CCDC192: variants seen among roughly 807,000 people sequenced by gnomAD.
The protein encoded by CCDC192 is coiled-coil domain containing 192, also known as coiled-coil domain-containing protein 192.
At chr5:127,703,653 C>T in intron 1 of CCDC192, 146 bp downstream of exon 1, 1 of 382,016 alleles carries the variant, frequency 2.6e-6, no homozygotes, top group Admixed American at 4.5e-5. Flanking sequence ...GGAGAGTGAC[C>T]CCTTTCTTTG....
At chr5:127,863,868 GA>G (rs974714125) in intron 5 of CCDC192, among the ~76,000 whole-genome samples, 16 of 152,258 alleles carry the variant, frequency 1.1e-4, no homozygotes, top group African/African-American at 3.9e-4. Flanking sequence ...CATAAAAACT[GA>G]GCAAAATTAA....
intron 5 of CCDC192, among the ~76,000 whole-genome samples, chr5:127,839,147 C>A (rs985907113): frequency 6.6e-6 from 1 of 152,144 alleles, no homozygotes; most frequent in African/African-American, 2.4e-5. Context: ...ATAAACAGTT[C>A]TTGGAATGCT....
chr5:127,757,065 ACCTAC>A (rs1186647464), intron 3 of CCDC192, among the ~76,000 whole-genome samples: 1 of 152,232 alleles, frequency 6.6e-6, no homozygotes, highest in African/African-American at 2.4e-5. Context: ...ACTTTTTTGT[ACCTAC>A]CATAAGTAAG....
chr5:127,883,852 A>G (rs1752448441), intron 6 of CCDC192, among the ~76,000 whole-genome samples: 1 of 152,180 alleles, frequency 6.6e-6, no homozygotes, highest in African/African-American at 2.4e-5. Flanking sequence ...AACCAAAATG[A>G]AACTAGTTGA....
In CCDC192 at chr5:127,852,870, A is replaced by C. The variant is rs538425227; in HGVS notation, c.412-22668A>C. Among the ~76,000 whole-genome samples, 5 of 152,254 alleles carry C rather than the reference A, an allele frequency of 3.3e-5. No homozygotes were observed. In the East Asian group the frequency reaches 9.7e-4, roughly 29 times the overall value. ...AGCACTCTGGGAGGCCGAGGCGGGC[A>C]GATGGTCAGGAGATAGAGACCATCC... On this transcript the variant is annotated intron_variant, in intron 5 of 6. Coordinates refer to ENST00000514853, the MANE Select transcript of CCDC192 (RefSeq NM_001317938.2).
At position 127,798,090 on chromosome 5, in the gene CCDC192, CT is replaced by C; in HGVS notation, c.355-12del. Reference sequence around the variant, plus strand: ...AAGAGTTACATACTTAGTTTCTAAACTTTTCTCCTTTTCAGTGCATCCAGAA... The same window carrying C: ...AAGAGTTACATACTTAGTTTCTAAACTTTCTCCTTTTCAGTGCATCCAGAA... On this transcript the variant is annotated splice_polypyrimidine_tract_variant and intron_variant, in intron 4 of 6. Coordinates refer to ENST00000514853, the MANE Select transcript of CCDC192 (RefSeq NM_001317938.2). 2 of 398,082 alleles carry C rather than the reference CT, an allele frequency of 5.0e-6. No homozygotes were observed. The highest frequency in any genetic ancestry group is 8.9e-6 in the Non-Finnish European group (2 of 225,474). The allele number at this position is 398,082 out of a possible 1,614,324, so 24.7% of individuals were successfully genotyped here. A position where few individuals can be genotyped will look rare whatever the true frequency, so the allele number is the denominator to read the frequency against.
At chr5:127,884,342 CAAAAAAAAAA>C (rs778430655) in intron 6 of CCDC192, among the ~76,000 whole-genome samples, 403 of 11,828 alleles carry the variant, frequency 0.034, 1 homozygote, top group African/African-American at 0.045. Flanking sequence ...GACTCCGTCT[CAAAAAAAAAA>C]AAAAAAAAAA....
intron 6 of CCDC192, among the ~76,000 whole-genome samples, chr5:127,919,699 T>A (rs1753652480): frequency 6.6e-6 from 1 of 152,086 alleles, no homozygotes; most frequent in Non-Finnish European, 1.5e-5. Flanking sequence ...GACATCAGAG[T>A]GTCACTCTTT....
At chr5:127,883,980 A>T (rs935277832) in intron 6 of CCDC192, among the ~76,000 whole-genome samples, 7 of 152,156 alleles carry the variant, frequency 4.6e-5, no homozygotes, top group Non-Finnish European at 8.8e-5. Flanking sequence ...CTGCAGGCAC[A>T]GAAAGGGAAA....
intron 3 of CCDC192, among the ~76,000 whole-genome samples, chr5:127,760,701 CAAAAAAA>C (rs56177728): frequency 0.018 from 987 of 54,910 alleles, 9 homozygotes; most frequent in Non-Finnish European, 0.023. Context: ...GATTCTGTCT[CAAAAAAA>C]AAAAAAAAAA....
intron 2 of CCDC192, among the ~76,000 whole-genome samples, chr5:127,753,703 A>T (rs1024381493): frequency 2.0e-5 from 3 of 152,006 alleles, no homozygotes; most frequent in Non-Finnish European, 2.9e-5. Flanking sequence ...AAAAAAAAAA[A>T]AAAGAGAAAA....
chr5:127,768,696 AG>A (rs1174624736), intron 3 of CCDC192, among the ~76,000 whole-genome samples: 1 of 152,244 alleles, frequency 6.6e-6, no homozygotes, highest in Non-Finnish European at 1.5e-5. Context: ...TGACTACAAA[AG>A]CTATTAAAGC....
At chr5:127,885,181 A>G (rs1429800588) in intron 6 of CCDC192, among the ~76,000 whole-genome samples, 2 of 152,048 alleles carry the variant, frequency 1.3e-5, no homozygotes, top group East Asian at 3.9e-4. Context: ...AGCACCAGCT[A>G]AATGTCAGAC....
At chr5:127,779,054 T>C (rs889476445) in intron 3 of CCDC192, among the ~76,000 whole-genome samples, 2 of 152,168 alleles carry the variant, frequency 1.3e-5, no homozygotes, top group Non-Finnish European at 2.9e-5. Flanking sequence ...GTTGATTATT[T>C]CAAGGAACCA....
intron 6 of CCDC192, among the ~76,000 whole-genome samples, chr5:127,893,212 T>C (rs1396103071): frequency 2.6e-5 from 4 of 152,102 alleles, no homozygotes; most frequent in African/African-American, 9.7e-5. Context: ...CAGGAAGTAA[T>C]GAACAGAATA....
chr5:127,901,683 G>C (rs565930990), intron 6 of CCDC192, among the ~76,000 whole-genome samples: 2 of 152,168 alleles, frequency 1.3e-5, no homozygotes, highest in Admixed American at 6.5e-5. Flanking sequence ...AGTCAGTCAG[G>C]GCTTCTTTAC....
chr5:127,814,190 G>A (rs191131030), intron 5 of CCDC192, among the ~76,000 whole-genome samples: 3 of 152,336 alleles, frequency 2.0e-5, no homozygotes, highest in Admixed American at 2.0e-4. Context: ...GCAGGAGTGG[G>A]AGCAGGAACA....
chr5:127,750,319 G>A (rs1440539887), intron 2 of CCDC192, among the ~76,000 whole-genome samples: 2 of 152,108 alleles, frequency 1.3e-5, no homozygotes, highest in Non-Finnish European at 2.9e-5. Flanking sequence ...TTGTGTCTTT[G>A]TTCACAGTGG....
intron 5 of CCDC192, among the ~76,000 whole-genome samples, chr5:127,857,003 A>T (rs1349547585): frequency 6.6e-6 from 1 of 152,232 alleles, no homozygotes; most frequent in Non-Finnish European, 1.5e-5. Context: ...GACTTGCTTG[A>T]CATCAGATTG....
Sources: allele counts gnomAD v4.1 joint callset (sites outside exome capture counted in the v4.1 genomes callset), GRCh38; gene constraint gnomAD v4.1.1; transcripts MANE v1.5; gene names NCBI Gene and HGNC (gene_info 2026-07-23, HGNC 2026-07-21).